Variants in HEMK2 observed in about 807,000 individuals in gnomAD.
HEMK2 encodes the protein HemK methyltransferase 2, ETF1 glutamine and histone H4 lysine.
the HEMK2 span, among the ~76,000 whole-genome samples, chr21:28,754,881 C>T: frequency 6.6e-6 from 1 of 152,136 alleles, no homozygotes; most frequent in African/African-American, 2.4e-5. Context: ...CTGCTCTGGG[C>T]AAGGCAAACT....
At chr21:28,636,104 C>A in the HEMK2 span, among the ~76,000 whole-genome samples, 1 of 152,074 alleles carries the variant, frequency 6.6e-6, no homozygotes, top group Non-Finnish European at 1.5e-5. Flanking sequence ...TTCCTTCATT[C>A]GGGACCTTTA....
At chr21:28,611,510 T>C in the HEMK2 span, among the ~76,000 whole-genome samples, 6 of 152,072 alleles carry the variant, frequency 3.9e-5, no homozygotes, top group African/African-American at 1.4e-4. Context: ...CCTAGAAATA[T>C]ACAACCATGC....
At chr21:28,594,888 T>A in the HEMK2 span, among the ~76,000 whole-genome samples, 1 of 152,360 alleles carries the variant, frequency 6.6e-6, no homozygotes, top group East Asian at 1.9e-4. Flanking sequence ...GTTGAAATTG[T>A]TAGATCACTT....
chr21:28,666,138 C>T, the HEMK2 span, among the ~76,000 whole-genome samples: 7 of 152,268 alleles, frequency 4.6e-5, no homozygotes, highest in Admixed American at 2.6e-4. Context: ...TTAGGACCTA[C>T]GTTGTTCCCT....
At chr21:28,582,559 G>T in the HEMK2 span, among the ~76,000 whole-genome samples, 1 of 152,174 alleles carries the variant, frequency 6.6e-6, no homozygotes, top group Non-Finnish European at 1.5e-5. Context: ...AGGGCTCTCA[G>T]TCTTAGAGCT....
chr21:28,810,327 C>T, the HEMK2 span, among the ~76,000 whole-genome samples: 2 of 152,104 alleles, frequency 1.3e-5, no homozygotes, highest in South Asian at 4.2e-4. Flanking sequence ...CAGGGACTTA[C>T]AAAACTGTTA....
chr21:28,849,397 C>A, the HEMK2 span, among the ~76,000 whole-genome samples: 1 of 152,132 alleles, frequency 6.6e-6, no homozygotes, highest in Non-Finnish European at 1.5e-5. Context: ...ACTTCAAAGA[C>A]TGAAGGAACA....
the HEMK2 span, among the ~76,000 whole-genome samples, chr21:28,842,637 C>T: frequency 0.26 from 39,472 of 152,096 alleles, 5,890 homozygotes; most frequent in African/African-American, 0.4. Context: ...TAACAGAAGC[C>T]GAGTTTTGTT....
At chr21:28,836,181 G>C in the HEMK2 span, among the ~76,000 whole-genome samples, 1 of 152,150 alleles carries the variant, frequency 6.6e-6, no homozygotes, top group Non-Finnish European at 1.5e-5. Context: ...TAGGCACATT[G>C]TCATCAGCTT....
chr21:28,783,035 C>G, the HEMK2 span, among the ~76,000 whole-genome samples: 1 of 152,058 alleles, frequency 6.6e-6, no homozygotes, highest in African/African-American at 2.4e-5. Context: ...TATCCCTTAT[C>G]CAAAATGCTT....
At chr21:28,686,139 G>A in the HEMK2 span, among the ~76,000 whole-genome samples, 1 of 152,222 alleles carries the variant, frequency 6.6e-6, no homozygotes, top group Non-Finnish European at 1.5e-5. Context: ...AGAGTTTGGT[G>A]AAGGAGAGAA....
At chr21:28,707,070 G>A in the HEMK2 span, among the ~76,000 whole-genome samples, 42 of 152,152 alleles carry the variant, frequency 2.8e-4, 1 homozygote, top group African/African-American at 8.9e-4. Flanking sequence ...AAAGTGAAGG[G>A]CCTCAAAGTT....
chr21:28,676,882 A>C, the HEMK2 span, among the ~76,000 whole-genome samples: 2 of 152,198 alleles, frequency 1.3e-5, no homozygotes, highest in Admixed American at 1.3e-4. Flanking sequence ...CAACAATATA[A>C]TTCTGGAAAA....
chr21:28,745,645 C>T, the HEMK2 span, among the ~76,000 whole-genome samples: 1 of 152,158 alleles, frequency 6.6e-6, no homozygotes, highest in Non-Finnish European at 1.5e-5. Context: ...TGCTCTAATG[C>T]TCTCACGTTG....
the HEMK2 span, among the ~76,000 whole-genome samples, chr21:28,627,705 C>T: frequency 2.0e-5 from 3 of 152,176 alleles, no homozygotes; most frequent in African/African-American, 4.8e-5. Context: ...TTCACACTGA[C>T]TTCCTAGAAC....
chr21:28,618,226 G>T, the HEMK2 span, among the ~76,000 whole-genome samples: 1 of 152,166 alleles, frequency 6.6e-6, no homozygotes. Flanking sequence ...TGCGACTTAA[G>T]AATTTCAAAT....
At chr21:28,583,194 A>G in the HEMK2 span, among the ~76,000 whole-genome samples, 1 of 152,240 alleles carries the variant, frequency 6.6e-6, no homozygotes, top group South Asian at 2.1e-4. Flanking sequence ...ATTTCTAAAT[A>G]TGAAAGAGAT....
chr21:28,728,281 C>T, the HEMK2 span, among the ~76,000 whole-genome samples: 2 of 152,162 alleles, frequency 1.3e-5, no homozygotes, highest in Admixed American at 6.5e-5. Context: ...TAATAATTAT[C>T]ACCTATGACT....
the HEMK2 span, among the ~76,000 whole-genome samples, chr21:28,737,739 T>C: frequency 6.6e-6 from 1 of 152,230 alleles, no homozygotes; most frequent in Non-Finnish European, 1.5e-5. Context: ...TGCCTTTCTC[T>C]ACATACATCA....
Sources: gnomAD v4.1 joint callset for allele counts (sites outside exome capture counted in the v4.1 genomes callset) on GRCh38, gnomAD v4.1.1 for gene constraint, MANE v1.5 for transcripts, NCBI Gene and HGNC (gene_info 2026-07-23, HGNC 2026-07-21) for gene names.